Variants in MAML3 observed in about 807,000 individuals in gnomAD.
MAML3 encodes mastermind like transcriptional coactivator 3, also known as mastermind-like protein 3.
A neutral mutation model predicts 101.9 loss-of-function variants in MAML3; 27 were observed. The ratio of observed to expected loss-of-function variants is 0.27; its 90% CI spans 0.20 to 0.37. The LOEUF is 0.37. Among genes scored for constraint, MAML3 ranks in the 10% least tolerant of loss-of-function variants. The pLI, the probability that MAML3 is intolerant of heterozygous loss-of-function variation, is 1.00. For synonymous variants in MAML3, 501 were observed against 555.9 expected (o/e 0.90, Z 1.39); for missense variants, 1,316 against 1,444.9 (o/e 0.91, Z 1.45).
chr4:139,855,466 T>C (rs1731640437), intron 2 of MAML3, among the ~76,000 whole-genome samples: 1 of 152,262 alleles, frequency 6.6e-6, no homozygotes. Context: ...CCTCTGTTTT[T>C]CAACACATGT....
chr4:140,093,878 T>A (rs1181129393), intron 1 of MAML3, among the ~76,000 whole-genome samples: 2 of 152,196 alleles, frequency 1.3e-5, no homozygotes, highest in African/African-American at 4.8e-5. Flanking sequence ...AGCCTGAGAT[T>A]TCCTTTGGAG....
chr4:139,856,398 A>C (rs1369892203), intron 2 of MAML3, among the ~76,000 whole-genome samples: 1 of 152,234 alleles, frequency 6.6e-6, no homozygotes, highest in Non-Finnish European at 1.5e-5. Flanking sequence ...AAGGACCTGC[A>C]ATGTAGAGAC....
Position 140,143,085 on chromosome 4 carries a change from A to C in MAML3, c.468+9775T>G, listed in dbSNP as rs576069192. The stretch of plus-strand genomic sequence containing the variant: ...CATCTGACGCCCTTAGGATTTTCCT[A>C]AATGTTAGTTTTTTAAAGTGTTTCC... On this transcript the variant is annotated intron_variant, in intron 1 of 4. Coordinates refer to ENST00000509479, the MANE Select transcript of MAML3 (RefSeq NM_018717.5). Among the ~76,000 whole-genome samples, 6 of 152,340 alleles carry C rather than the reference A, an allele frequency of 3.9e-5. No homozygotes were observed. In the East Asian group the frequency reaches 1.2e-3, roughly 29 times the overall value.
At chr4:140,021,003 T>A (rs1456184748) in intron 1 of MAML3, among the ~76,000 whole-genome samples, 2 of 152,104 alleles carry the variant, frequency 1.3e-5, no homozygotes, top group Non-Finnish European at 2.9e-5. Flanking sequence ...CTAGATGACA[T>A]CCGATCCAGA....
At chr4:140,060,798 G>A (rs1727435056) in intron 1 of MAML3, among the ~76,000 whole-genome samples, 1 of 152,064 alleles carries the variant, frequency 6.6e-6, no homozygotes, top group Non-Finnish European at 1.5e-5. Flanking sequence ...TCATATAAAA[G>A]TAAAATGTTT....
intron 2 of MAML3, among the ~76,000 whole-genome samples, chr4:139,819,808 G>A (rs1730946115): frequency 6.6e-6 from 1 of 152,176 alleles, no homozygotes; most frequent in African/African-American, 2.4e-5. Flanking sequence ...GACCATGAGT[G>A]TTGATATTTT....
intron 1 of MAML3, among the ~76,000 whole-genome samples, chr4:140,028,569 C>T (rs964135226): frequency 6.6e-6 from 1 of 152,010 alleles, no homozygotes; most frequent in African/African-American, 2.4e-5. Context: ...TAAGATCTTG[C>T]CTATTTATTT....
chr4:139,943,870 T>TTTTTTTTTTTTTTTTTTG, intron 1 of MAML3, among the ~76,000 whole-genome samples: 1 of 125,098 alleles, frequency 8.0e-6, no homozygotes, highest in Non-Finnish European at 1.6e-5. Flanking sequence ...ACAACTTTTT[T>TTTTTTTTTTTTTTTTTTG]TTTTTTTTTT....
intron 1 of MAML3, among the ~76,000 whole-genome samples, chr4:140,108,457 C>T (rs1006248231): frequency 1.5e-4 from 23 of 151,772 alleles, no homozygotes; most frequent in Non-Finnish European, 2.4e-4. Context: ...AGAAAAACTA[C>T]AAAGAGTCTG....
intron 1 of MAML3, among the ~76,000 whole-genome samples, chr4:139,918,356 C>T (rs979921356): frequency 2.6e-5 from 4 of 152,184 alleles, no homozygotes; most frequent in Non-Finnish European, 4.4e-5. Context: ...CAGGTGGCCG[C>T]GCTGGCCTCT....
intron 2 of MAML3, among the ~76,000 whole-genome samples, chr4:139,754,739 T>G (rs919313794): frequency 6.6e-6 from 1 of 152,204 alleles, no homozygotes; most frequent in Non-Finnish European, 1.5e-5. Flanking sequence ...GGTGTCTGGA[T>G]TATACTTTAG....
chr4:140,043,522 T>G (rs1163795158), intron 1 of MAML3, among the ~76,000 whole-genome samples: 2 of 152,210 alleles, frequency 1.3e-5, no homozygotes, highest in Non-Finnish European at 2.9e-5. Flanking sequence ...CTTCCTCAAA[T>G]TCTCCATATC....
At chr4:139,951,223 C>G (rs1350179058) in intron 1 of MAML3, among the ~76,000 whole-genome samples, 3 of 152,222 alleles carry the variant, frequency 2.0e-5, no homozygotes, top group African/African-American at 7.2e-5. Flanking sequence ...ACACCAAGAA[C>G]ATCCACCATT....
At chr4:139,875,182 T>C (rs1368943923) in intron 2 of MAML3, among the ~76,000 whole-genome samples, 1 of 151,922 alleles carries the variant, frequency 6.6e-6, no homozygotes, top group Non-Finnish European at 1.5e-5. Flanking sequence ...AGTTCTGAAG[T>C]GGTAAAGTCA....
intron 1 of MAML3, among the ~76,000 whole-genome samples, chr4:140,029,670 T>C (rs1726877939): frequency 6.6e-6 from 1 of 152,222 alleles, no homozygotes; most frequent in African/African-American, 2.4e-5. Context: ...ATCATTTCAA[T>C]TTTATGTGTC....
intron 1 of MAML3, among the ~76,000 whole-genome samples, chr4:140,113,211 G>A (rs577976384): frequency 3.3e-5 from 5 of 152,194 alleles, no homozygotes; most frequent in South Asian, 2.1e-4. Flanking sequence ...CCCAGGAGGC[G>A]GAGCTTGCAG....
intron 2 of MAML3, among the ~76,000 whole-genome samples, chr4:139,811,051 C>A (rs1730788042): frequency 6.6e-6 from 1 of 152,124 alleles, no homozygotes; most frequent in Non-Finnish European, 1.5e-5. Context: ...AGGATAAAAG[C>A]CATGCATTGG....
intron 1 of MAML3, among the ~76,000 whole-genome samples, chr4:139,940,265 C>T (rs889690471): frequency 2.6e-5 from 4 of 152,150 alleles, no homozygotes; most frequent in African/African-American, 7.2e-5. Flanking sequence ...TCACTAGGAA[C>T]AGTATTTATA....
intron 2 of MAML3, among the ~76,000 whole-genome samples, chr4:139,798,236 C>T (rs947007067): frequency 2.6e-5 from 4 of 152,132 alleles, no homozygotes; most frequent in African/African-American, 9.7e-5. Context: ...CTTACGCTTT[C>T]TGAGCCTTGG....
Sources: gnomAD v4.1 joint callset for allele counts (sites outside exome capture counted in the v4.1 genomes callset) on GRCh38, gnomAD v4.1.1 for gene constraint, MANE v1.5 for transcripts, NCBI Gene and HGNC (gene_info 2026-07-23, HGNC 2026-07-21) for gene names.